ZNF143: variants seen among roughly 807,000 people sequenced by gnomAD.
ZNF143 encodes SPH-binding factor.
In ZNF143, 49 loss-of-function variants were observed where a neutral mutation model predicts 74.1. The observed-to-expected ratio is 0.66, with a 90% confidence interval of 0.53 to 0.84. The LOEUF is 0.84. Among genes scored for constraint, ZNF143 ranks in the 40% least tolerant of loss-of-function variants. The pLI is 0.00. For synonymous variants in ZNF143, 304 were observed against 282.8 expected (o/e 1.07, Z -0.75); for missense variants, 637 against 793.4 (o/e 0.80, Z 2.37).
Position 9,508,782 on chromosome 11 carries a change from G to A in ZNF143, c.1311G>A (p.Arg437=), listed in dbSNP as rs748249603. The change falls in exon 12 of 16, where the codon CGG becomes CGA. Residue 437 remains arginine, a synonymous_variant. Coordinates refer to ENST00000396602, the MANE Select transcript of ZNF143 (RefSeq NM_003442.6). ...KQISTLAMHK[R]TAHNDTEPIE... ...TCTCCACGCTGGCCATGCACAAACG[G>A]ACAGCCCACAACGACACTGAGCCCA... is the stretch of plus-strand genomic sequence containing the variant. 8.7e-6 allele frequency: 14 copies of A among 1,611,456 alleles called. No homozygotes were observed. The Admixed American group carries it at 2.4e-4, about 27-fold the overall frequency.
At chr11:9,512,928 C>G (rs1431005625) in intron 13 of ZNF143, among the ~76,000 whole-genome samples, 2 of 152,030 alleles carry the variant, frequency 1.3e-5, no homozygotes, top group African/African-American at 2.4e-5. Context: ...TGATTAGATG[C>G]AGGAGGTGAG....
At chr11:9,482,075 A>G (rs1432423754) in intron 7 of ZNF143, among the ~76,000 whole-genome samples, 23 of 137,810 alleles carry the variant, frequency 1.7e-4, no homozygotes, top group African/African-American at 5.5e-4. Context: ...GGTTCACGCC[A>G]TTCTCCTGCC....
chr11:9,527,416 C>G (rs2134297024), intron 15 of ZNF143, 114 bp from the exon 16 acceptor site: 1 of 918,094 alleles, frequency 1.1e-6, no homozygotes, highest in East Asian at 2.5e-5. Context: ...TTAACAATCC[C>G]AAGTGTCAGA....
In ZNF143 at chr11:9,525,406, G is replaced by C; in HGVS notation, c.1833+20G>C. 2 of 1,613,894 alleles carry C rather than the reference G, an allele frequency of 1.2e-6. No homozygotes were observed. Among genetic ancestry groups the C allele is most frequent in the Non-Finnish European group, 1.7e-6 (2 of 1,179,866 alleles). The stretch of plus-strand genomic sequence containing the variant: ...GTTCAGGTGAGTACCAAGGCATACT[G>C]TCCTCAGTCGACAGCAGTGCTGCTC... On this transcript the variant is annotated intron_variant, in intron 15 of 15. Coordinates refer to ENST00000396602, the MANE Select transcript of ZNF143 (RefSeq NM_003442.6).
chr11:9,495,750 C>G (rs1040732903), intron 8 of ZNF143, among the ~76,000 whole-genome samples: 6 of 152,214 alleles, frequency 3.9e-5, no homozygotes, highest in African/African-American at 1.2e-4. Flanking sequence ...ACGTAAAGTA[C>G]TAAAAAGAGT....
chr11:9,475,742 C>A (rs1327893665), intron 5 of ZNF143, among the ~76,000 whole-genome samples: 1 of 151,976 alleles, frequency 6.6e-6, no homozygotes, highest in South Asian at 2.1e-4. Context: ...CAAAAAAATA[C>A]AAAAATTAGC....
chr11:9,527,191 C>T (rs1030442731), intron 15 of ZNF143, among the ~76,000 whole-genome samples: 7 of 151,500 alleles, frequency 4.6e-5, no homozygotes, highest in South Asian at 2.1e-4. Context: ...AGGCTGGTCT[C>T]GAACTCCTGG....
chr11:9,492,107 T>TG (rs1847804570), intron 7 of ZNF143, among the ~76,000 whole-genome samples: 1 of 128,014 alleles, frequency 7.8e-6, no homozygotes, highest in Non-Finnish European at 1.8e-5. Context: ...CCTGGCTAAT[T>TG]TTTTTTTTTT....
intron 10 of ZNF143, among the ~76,000 whole-genome samples, chr11:9,499,226 T>C (rs567392161): frequency 2.4e-4 from 37 of 152,262 alleles, no homozygotes; most frequent in African/African-American, 8.4e-4. Flanking sequence ...CTGTAACAAA[T>C]ACAGAAGATT....
At chr11:9,487,999 C>G (rs1007760929) in intron 7 of ZNF143, among the ~76,000 whole-genome samples, 4 of 152,136 alleles carry the variant, frequency 2.6e-5, no homozygotes, top group African/African-American at 9.7e-5. Context: ...TGACTTCTTT[C>G]CTGCATATTT....
intron 12 of ZNF143, among the ~76,000 whole-genome samples, chr11:9,509,628 T>C (rs1345415141): frequency 6.6e-6 from 1 of 152,194 alleles, no homozygotes; most frequent in Non-Finnish European, 1.5e-5. Flanking sequence ...TAACAACATA[T>C]ATTGAAGCAT....
intron 14 of ZNF143, among the ~76,000 whole-genome samples, chr11:9,519,298 C>G (rs558974822): frequency 6.6e-6 from 1 of 151,832 alleles, no homozygotes; most frequent in East Asian, 1.9e-4. Context: ...TGCAACCTCC[C>G]GCGCCTGGCT....
At chr11:9,527,042 C>T (rs762703825) in intron 15 of ZNF143, among the ~76,000 whole-genome samples, 2 of 152,142 alleles carry the variant, frequency 1.3e-5, no homozygotes, top group Non-Finnish European at 2.9e-5. Flanking sequence ...ACTGTGTTAG[C>T]CAGGATGGTC....
intron 1 of ZNF143, among the ~76,000 whole-genome samples, chr11:9,466,261 A>G (rs1167443076): frequency 6.7e-6 from 1 of 149,360 alleles, no homozygotes; most frequent in Non-Finnish European, 1.5e-5. Context: ...GGGATTACAG[A>G]CGTGAGCCAC....
chr11:9,476,048 G>A (rs1165279716), intron 5 of ZNF143, among the ~76,000 whole-genome samples: 3 of 151,664 alleles, frequency 2.0e-5, no homozygotes, highest in Non-Finnish European at 4.4e-5. Flanking sequence ...ACAGCAAAAT[G>A]TTAATGCTTA....
chr11:9,520,223 A>G (rs1389898769), intron 14 of ZNF143, among the ~76,000 whole-genome samples: 1 of 149,066 alleles, frequency 6.7e-6, no homozygotes, highest in Non-Finnish European at 1.5e-5. Context: ...TTTAGTAGAG[A>G]GGGGGTTTCA....
intron 14 of ZNF143, among the ~76,000 whole-genome samples, chr11:9,523,904 C>T (rs1313161749): frequency 1.3e-5 from 2 of 148,496 alleles, no homozygotes; most frequent in African/African-American, 5.0e-5. Context: ...AAAAATTAGC[C>T]GAGTGAGGTG....
At chr11:9,464,916 C>CT (rs942171013) in intron 1 of ZNF143, among the ~76,000 whole-genome samples, 5 of 151,472 alleles carry the variant, frequency 3.3e-5, no homozygotes, top group Admixed American at 2.0e-4. Context: ...GAGGGAGACT[C>CT]TGTCTCAAAA....
At position 9,494,627 on chromosome 11, in the gene ZNF143, T is replaced by G. The variant is rs1203261469; in HGVS notation, c.646-19T>G. On this transcript the variant is annotated intron_variant, in intron 7 of 15. Coordinates refer to ENST00000396602, the MANE Select transcript of ZNF143 (RefSeq NM_003442.6). The stretch of plus-strand genomic sequence containing the variant: ...TGCCTGGCTTAAGTAATTTAAGTAA[T>G]ACTATTTGTTTTATTTAGATTGTTT... 2 of 1,610,496 alleles carry G rather than the reference T, an allele frequency of 1.2e-6. No homozygotes were observed. The highest frequency in any genetic ancestry group is 2.7e-5 in the African/African-American group (2 of 74,754).
Sources: allele counts gnomAD v4.1 joint callset (sites outside exome capture counted in the v4.1 genomes callset), GRCh38; gene constraint gnomAD v4.1.1; transcripts MANE v1.5; gene names NCBI Gene and HGNC (gene_info 2026-07-23, HGNC 2026-07-21).